PRKD1: variants seen among roughly 807,000 people sequenced by gnomAD.
PRKD1 encodes the protein serine/threonine-protein kinase D1.
PRKD1 carries 63 observed loss-of-function variants against 95.9 expected under a neutral mutation model. The ratio of observed to expected loss-of-function variants is 0.66; its 90% CI spans 0.54 to 0.81. The LOEUF (loss-of-function observed/expected upper bound fraction) is 0.81, where lower values mean the gene tolerates loss of function less well. PRKD1 is among the 30% of genes least tolerant of loss of function. The pLI is 0.00. For missense variants in PRKD1, 1,048 were observed against 1,165.3 expected, an observed-to-expected ratio of 0.90 and a Z score of 1.47; for synonymous variants, 425 against 423.1, an observed-to-expected ratio of 1.00 and a Z score of -0.05.
At chr14:29,847,883 C>A (rs369060641) in intron 1 of PRKD1, among the ~76,000 whole-genome samples, 4 of 152,042 alleles carry the variant, frequency 2.6e-5, no homozygotes, top group East Asian at 1.9e-4. Flanking sequence ...TCTCTCCCCC[C>A]CCACCAACCT....
chr14:29,763,864 A>G (rs1022397074), intron 1 of PRKD1, among the ~76,000 whole-genome samples: 1 of 152,134 alleles, frequency 6.6e-6, no homozygotes, highest in Non-Finnish European at 1.5e-5. Context: ...TTTATTTAGG[A>G]TATACTATCT....
chr14:29,721,163 C>T (rs375366772), intron 2 of PRKD1, among the ~76,000 whole-genome samples: 46 of 152,176 alleles, frequency 3.0e-4, no homozygotes, highest in African/African-American at 9.2e-4. Flanking sequence ...GCCTCTTCTG[C>T]CTGGACTACA....
At chr14:29,660,930 A>G (rs573733352) in intron 4 of PRKD1, among the ~76,000 whole-genome samples, 1 of 152,102 alleles carries the variant, frequency 6.6e-6, no homozygotes, top group Non-Finnish European at 1.5e-5. Context: ...AAAAAAAAAA[A>G]TCCATGCCCA....
rs376055039 is a variant in PRKD1 at position 29,894,581 on chromosome 14, G to T, written c.264+32668C>A. Reference sequence around the variant, plus strand: ...CAAAATTATCTGTCTGCTAAGTAAAGAATGGATGAGGAGACTTGTAGTATA... The same window carrying T: ...CAAAATTATCTGTCTGCTAAGTAAATAATGGATGAGGAGACTTGTAGTATA... On this transcript the variant is annotated intron_variant, in intron 1 of 17. Coordinates refer to ENST00000331968, the MANE Select transcript of PRKD1 (RefSeq NM_002742.3). 9.3e-4 allele frequency among the ~76,000 whole-genome samples: 142 copies of T among 152,338 alleles called. 3 individuals are homozygous for T. Among genetic ancestry groups the T allele is most frequent in the African/African-American group, 3.3e-3 (138 of 41,570 alleles).
At chr14:29,698,606 T>G (rs1005223749) in intron 2 of PRKD1, among the ~76,000 whole-genome samples, 15 of 151,896 alleles carry the variant, frequency 9.9e-5, no homozygotes, top group Non-Finnish European at 1.5e-4. Context: ...GGGCTGGCCT[T>G]CCTTCCTCTA....
At chr14:29,641,684 G>A (rs73255525) in intron 4 of PRKD1, among the ~76,000 whole-genome samples, 11 of 152,018 alleles carry the variant, frequency 7.2e-5, no homozygotes, top group Non-Finnish European at 1.3e-4. Context: ...TATCTGATGA[G>A]TCCCTAAGCG....
intron 13 of PRKD1, 80 bp downstream of exon 13, chr14:29,624,072 A>T: frequency 2.0e-6 from 2 of 999,734 alleles, no homozygotes; most frequent in South Asian, 3.5e-5. Flanking sequence ...ACAGGTTTTT[A>T]GAGAAAATTT....
chr14:29,811,777 C>G (rs1397641440), intron 1 of PRKD1: 1 of 152,158 alleles, frequency 6.6e-6, no homozygotes, highest in African/African-American at 2.4e-5. Context: ...ATTATCCCAC[C>G]AGACTTCACT....
rs555367734 is a variant in PRKD1, at chr14:29,910,948, A to G, written c.264+16301T>C. ...CTCCAGAAATTGTGTGGAATCACAC[A>G]ATTATTTCACAGGTGAAAAAATATC... is the stretch of plus-strand genomic sequence containing the variant. On this transcript the variant is annotated intron_variant, in intron 1 of 17. Transcript: ENST00000331968. Among the ~76,000 whole-genome samples, 12 of 152,342 alleles carry G rather than the reference A, an allele frequency of 7.9e-5. No homozygotes were observed. The East Asian group carries it at 1.5e-3, about 20-fold the overall frequency.
At chr14:29,585,122 C>A (rs753321292) in intron 16 of PRKD1, among the ~76,000 whole-genome samples, 2 of 152,024 alleles carry the variant, frequency 1.3e-5, no homozygotes, top group Non-Finnish European at 2.9e-5. Context: ...TAGTACTTCT[C>A]TCCCTTTGGC....
chr14:29,700,100 T>C (rs1398312300), intron 2 of PRKD1, among the ~76,000 whole-genome samples: 1 of 152,068 alleles, frequency 6.6e-6, no homozygotes, highest in Non-Finnish European at 1.5e-5. Context: ...CTTTTTTTTT[T>C]TCCCTTGCTG....
At chr14:29,668,196 T>C (rs1882630996) in intron 2 of PRKD1, among the ~76,000 whole-genome samples, 1 of 152,202 alleles carries the variant, frequency 6.6e-6, no homozygotes, top group Non-Finnish European at 1.5e-5. Flanking sequence ...AGTGTATGCA[T>C]GCCACCTCGC....
intron 13 of PRKD1, among the ~76,000 whole-genome samples, chr14:29,601,553 AC>A (rs1893523156): frequency 1.1e-5 from 1 of 93,960 alleles, no homozygotes. Context: ...CTCACCTCCC[AC>A]GTTGCTCTCT....
chr14:29,669,773 CAGA>C, intron 2 of PRKD1, among the ~76,000 whole-genome samples: 1 of 152,058 alleles, frequency 6.6e-6, no homozygotes, highest in East Asian at 1.9e-4. Flanking sequence ...GAGGCTGAGG[CAGA>C]AGAATTGTTT....
At chr14:29,589,390 A>G (rs1893046847) in intron 16 of PRKD1, among the ~76,000 whole-genome samples, 1 of 152,186 alleles carries the variant, frequency 6.6e-6, no homozygotes, top group Non-Finnish European at 1.5e-5. Context: ...AACAACAGCT[A>G]TATAATCAAG....
In PRKD1 at chr14:29,738,426, C is replaced by A. The variant is rs1364531539; in HGVS notation, c.265-12752G>T. On this transcript the variant is annotated intron_variant, in intron 1 of 17. Coordinates refer to ENST00000331968, the MANE Select transcript of PRKD1 (RefSeq NM_002742.3). The stretch of plus-strand genomic sequence containing the variant: ...TCTATCATACAATAATTAAAAACCA[C>A]CATCGAAGATAGGGCTTTGCTATCT... Among the ~76,000 whole-genome samples, 4 of 152,190 alleles carry A rather than the reference C, an allele frequency of 2.6e-5. No homozygotes were observed. In the East Asian group the frequency reaches 7.7e-4, roughly 29 times the overall value.
chr14:29,790,388 A>G (rs1463977781), intron 1 of PRKD1, among the ~76,000 whole-genome samples: 1 of 152,178 alleles, frequency 6.6e-6, no homozygotes, highest in Non-Finnish European at 1.5e-5. Context: ...TCAATAACAT[A>G]GTGATCATGT....
At chr14:29,802,877 T>C (rs1339195438) in intron 1 of PRKD1, among the ~76,000 whole-genome samples, 2 of 152,220 alleles carry the variant, frequency 1.3e-5, no homozygotes, top group Non-Finnish European at 2.9e-5. Flanking sequence ...CACTCTAAGT[T>C]AGTATACAGG....
At chr14:29,607,254 A>G (rs1239369734) in intron 13 of PRKD1, among the ~76,000 whole-genome samples, 1 of 152,170 alleles carries the variant, frequency 6.6e-6, no homozygotes, top group Non-Finnish European at 1.5e-5. Flanking sequence ...CTATCAGATT[A>G]AGTATGAACT....
Sources: allele counts gnomAD v4.1 joint callset (sites outside exome capture counted in the v4.1 genomes callset), GRCh38; gene constraint gnomAD v4.1.1; transcripts MANE v1.5; gene names NCBI Gene and HGNC (gene_info 2026-07-23, HGNC 2026-07-21).